The following MYO16 variants were observed in gnomAD, a reference collection of about 807,000 sequenced individuals.
The protein encoded by MYO16 is unconventional myosin-XVI.
A neutral mutation model predicts 205.3 loss-of-function variants in MYO16; 94 were observed. That is an observed-to-expected ratio of 0.46 (90% CI 0.39 to 0.54). MYO16 has a LOEUF of 0.54. Among genes scored for constraint, MYO16 ranks in the 20% least tolerant of loss-of-function variants. The pLI, the probability that MYO16 is intolerant of heterozygous loss-of-function variation, is 0.00. For synonymous variants in MYO16, 988 were observed against 954.0 expected, an observed-to-expected ratio of 1.04 and a Z score of -0.66; for missense variants, 2,315 against 2,387.5, an observed-to-expected ratio of 0.97 and a Z score of 0.63.
chr13:109,063,152 G>A (rs150091234), intron 27 of MYO16, among the ~76,000 whole-genome samples: 144 of 152,248 alleles, frequency 9.5e-4, no homozygotes, highest in Non-Finnish European at 1.8e-3. Context: ...TGGACATGAG[G>A]TTGTAAATTT....
intron 16 of MYO16, among the ~76,000 whole-genome samples, chr13:108,950,931 A>T (rs1208354093): frequency 6.6e-6 from 1 of 152,200 alleles, no homozygotes; most frequent in Non-Finnish European, 1.5e-5. Context: ...TTTGATTCAT[A>T]GTTTGGTAGA....
intron 23 of MYO16, among the ~76,000 whole-genome samples, chr13:109,040,397 G>C (rs1170256595): frequency 1.3e-5 from 2 of 150,012 alleles, no homozygotes; most frequent in Non-Finnish European, 3.0e-5. Flanking sequence ...GAGAGAGAGA[G>C]AGAGAGAGAG....
At position 108,826,576 on chromosome 13, in the gene MYO16, G is replaced by A. The variant is rs992734686; in HGVS notation, c.1097+3298G>A. On this transcript the variant is annotated intron_variant, in intron 9 of 34. Coordinates refer to ENST00000457511, the MANE Select transcript of MYO16 (RefSeq NM_001198950.3). Reference sequence around the variant, plus strand: ...AAATAGATAAACTAAAGATTTTAGTGGTTTCAAAGACAGTAATAAGAAAGT... The same window carrying A: ...AAATAGATAAACTAAAGATTTTAGTAGTTTCAAAGACAGTAATAAGAAAGT... Among the ~76,000 whole-genome samples, 3 of 151,836 alleles carry A rather than the reference G, an allele frequency of 2.0e-5. 1 individual carries two copies. In the South Asian group the frequency reaches 6.2e-4, roughly 32 times the overall value.
intron 7 of MYO16, among the ~76,000 whole-genome samples, chr13:108,818,090 G>A (rs186180455): frequency 7.4e-4 from 112 of 152,040 alleles, no homozygotes; most frequent in African/African-American, 2.5e-3. Context: ...TTTTTAAGAC[G>A]TTAGTAAAAC....
chr13:108,655,956 A>G (rs964448212), intron 1 of MYO16, among the ~76,000 whole-genome samples: 4 of 152,208 alleles, frequency 2.6e-5, no homozygotes, highest in African/African-American at 9.6e-5. Context: ...TTACAGGCTC[A>G]TAGGCATAAG....
chr13:109,099,402 A>C (rs1382395826), intron 27 of MYO16, among the ~76,000 whole-genome samples: 1 of 152,226 alleles, frequency 6.6e-6, no homozygotes, highest in Non-Finnish European at 1.5e-5. Flanking sequence ...AATGTATTCC[A>C]ATATCAAACG....
the MYO16 span, among the ~76,000 whole-genome samples, chr13:108,588,518 G>A: frequency 6.6e-6 from 1 of 152,108 alleles, no homozygotes; most frequent in East Asian, 1.9e-4. Context: ...AAAATACCAA[G>A]GAAGGTATTT....
At chr13:108,777,934 C>T (rs1246970649) in intron 4 of MYO16, among the ~76,000 whole-genome samples, 1 of 152,204 alleles carries the variant, frequency 6.6e-6, no homozygotes, top group Non-Finnish European at 1.5e-5. Flanking sequence ...CTCCAGATTA[C>T]ATTCAGTAGT....
At chr13:109,181,578 A>T (rs1296290850) in intron 34 of MYO16, among the ~76,000 whole-genome samples, 1 of 152,194 alleles carries the variant, frequency 6.6e-6, no homozygotes, top group East Asian at 1.9e-4. Flanking sequence ...CATTAGCCTC[A>T]TCAGCAGTTT....
chr13:108,694,375 C>T lies in MYO16; in HGVS notation c.293-18286C>T, dbSNP rs112798055. ...ACTACTAAACTGTTTTCTACAGTGG[C>T]GAAACCATTTTACATTCTCTCCTGC... On this transcript the variant is annotated intron_variant, in intron 2 of 34. Transcript: ENST00000457511. 6.8e-3 allele frequency among the ~76,000 whole-genome samples: 1,041 copies of T among 152,220 alleles called. 14 individuals are homozygous for T. Among genetic ancestry groups the T allele is most frequent in the African/African-American group, 0.024 (997 of 41,556 alleles).
intron 34 of MYO16, among the ~76,000 whole-genome samples, chr13:109,185,314 C>A (rs1879636543): frequency 6.6e-6 from 1 of 151,866 alleles, no homozygotes; most frequent in African/African-American, 2.4e-5. Flanking sequence ...CATGTAAGTG[C>A]ACAAAAAAGT....
At chr13:109,036,847 T>A (rs1325540440) in intron 23 of MYO16, among the ~76,000 whole-genome samples, 5 of 152,166 alleles carry the variant, frequency 3.3e-5, no homozygotes, top group Non-Finnish European at 7.3e-5. Context: ...AAGGAAGGCA[T>A]AAACCCAGCC....
chr13:108,964,274 T>C (rs531953364), intron 19 of MYO16, among the ~76,000 whole-genome samples: 2 of 152,348 alleles, frequency 1.3e-5, no homozygotes, highest in South Asian at 4.1e-4. Flanking sequence ...CACTGTCTCT[T>C]TGAGAATGAC....
Position 109,206,988 on chromosome 13 carries a change from G to GTGTGTGTGTGTGTGTGTT in MYO16, c.*169_*186dup, listed in dbSNP as rs947606878. The GTGTGTGTGTGTGTGTGTT allele has an allele frequency of 5.0e-6, 2 of 398,628 alleles. No individual in the cohort carries two copies. Among genetic ancestry groups the GTGTGTGTGTGTGTGTGTT allele is most frequent in the Non-Finnish European group, 4.5e-6 (1 of 222,984 alleles). 24.7% of individuals were successfully genotyped at this position (398,628 alleles called of 1,614,324 possible). A position where few individuals can be genotyped will look rare whatever the true frequency, so the allele number is the denominator to read the frequency against. On this transcript the variant is annotated 3_prime_UTR_variant, in exon 35 of 35. Coordinates refer to ENST00000457511, the MANE Select transcript of MYO16 (RefSeq NM_001198950.3). ...ACAGACACTAAATATATGAGATCCC[G>GTGTGTGTGTGTGTGTGTT]TGTGTGTGTGTGTGTGTTTGTGTGT...
At position 108,888,452 on chromosome 13, in the gene MYO16, C is replaced by A. The variant is rs954913515; in HGVS notation, c.1634C>A (p.Ala545Asp). The A allele has an allele frequency of 6.8e-6, 11 of 1,606,280 alleles. No individual in the cohort carries two copies. The highest frequency in any genetic ancestry group is 9.3e-6 in the Non-Finnish European group (11 of 1,177,440). ...HLTCRAGASR[A>D]TLDSRFKHVV... The stretch of plus-strand genomic sequence containing the variant: ...ACCTGCAGGGCTGGCGCCAGCAGGG[C>A]CACACTGGATTCCAGATTCAAACAT... The change falls in exon 14 of 35, where the codon GCC becomes GAC. Residue 545 changes from alanine to aspartate, a missense_variant. This residue lies in a region of MYO16 where 1,213 missense variants were observed against 1,274.4 expected (regional missense o/e 0.95). Transcript: ENST00000457511.
intron 11 of MYO16, among the ~76,000 whole-genome samples, chr13:108,865,512 C>T (rs1215003270): frequency 6.6e-6 from 1 of 151,540 alleles, no homozygotes; most frequent in East Asian, 2.0e-4. Flanking sequence ...CTTGCTTCAT[C>T]CTTTTCCCTT....
chr13:108,501,934 A>C, the MYO16 span, among the ~76,000 whole-genome samples: 1 of 152,124 alleles, frequency 6.6e-6, no homozygotes. Flanking sequence ...GCCAGAAAAG[A>C]CTGGACATAT....
the MYO16 span, among the ~76,000 whole-genome samples, chr13:108,516,429 C>T: frequency 2.0e-4 from 31 of 152,248 alleles, no homozygotes; most frequent in Non-Finnish European, 4.0e-4. Flanking sequence ...CAGAAATCAC[C>T]CGTCTTCTGC....
chr13:109,136,355 A>G (rs1048662902), intron 31 of MYO16, among the ~76,000 whole-genome samples: 6 of 152,168 alleles, frequency 3.9e-5, no homozygotes, highest in Non-Finnish European at 7.3e-5. Flanking sequence ...GGCCTCCCAA[A>G]GTGATGGGAT....
Sources: allele counts gnomAD v4.1 joint callset (sites outside exome capture counted in the v4.1 genomes callset), GRCh38; gene constraint gnomAD v4.1.1; regional missense constraint gnomAD v4.1.1; transcripts MANE v1.5; gene names NCBI Gene and HGNC (gene_info 2026-07-23, HGNC 2026-07-21).